The following ZFHX3 variants were observed in gnomAD, a reference collection of about 807,000 sequenced individuals.
The protein encoded by ZFHX3 is zinc finger homeobox 3, also known as zinc finger homeobox protein 3.
Under a neutral mutation model 279.1 loss-of-function variants are expected in ZFHX3, and 42 were observed. The ratio of observed to expected loss-of-function variants is 0.15; its 90% CI spans 0.12 to 0.19. ZFHX3 has a LOEUF of 0.19. Ranked by LOEUF, ZFHX3 falls within the 10% of genes least tolerant of loss-of-function variation. ZFHX3 has a pLI of 1.00. For synonymous variants in ZFHX3, 2,293 were observed against 1,957.8 expected, an observed-to-expected ratio of 1.17 and a Z score of -4.52; for missense variants, 4,981 against 4,754.0, an observed-to-expected ratio of 1.05 and a Z score of -1.40.
At chr16:73,596,929 T>C (rs57415356) in intron 2 of ZFHX3, among the ~76,000 whole-genome samples, 22,025 of 151,778 alleles carry the variant, frequency 0.15, 1,982 homozygotes, top group East Asian at 0.19. Context: ...CTAAAGCACC[T>C]CTCTTAAAAA....
At chr16:72,895,041 A>G (rs970114681) in intron 3 of ZFHX3, among the ~76,000 whole-genome samples, 7 of 152,232 alleles carry the variant, frequency 4.6e-5, no homozygotes, top group African/African-American at 1.7e-4. Context: ...CGGGGACCCA[A>G]AGAAAACCAG....
intron 1 of ZFHX3, among the ~76,000 whole-genome samples, chr16:72,973,121 A>G (rs1171794710): frequency 6.6e-6 from 1 of 152,232 alleles, no homozygotes; most frequent in Non-Finnish European, 1.5e-5. Context: ...TCAGAAGACC[A>G]GAAGATGTCT....
At chr16:73,666,890 A>G (rs1372095363) in intron 2 of ZFHX3, among the ~76,000 whole-genome samples, 2 of 151,982 alleles carry the variant, frequency 1.3e-5, no homozygotes, top group African/African-American at 4.9e-5. Context: ...GGCTTCTTTC[A>G]CTTAACACAA....
chr16:73,569,091 G>C (rs1197266051), intron 2 of ZFHX3, among the ~76,000 whole-genome samples: 1 of 152,170 alleles, frequency 6.6e-6, no homozygotes, highest in African/African-American at 2.4e-5. Flanking sequence ...GAGAAGTCAA[G>C]CCAGGGACCT....
chr16:73,272,463 C>T (rs562846745), intron 4 of ZFHX3, among the ~76,000 whole-genome samples: 1 of 152,166 alleles, frequency 6.6e-6, no homozygotes, highest in South Asian at 2.1e-4. Context: ...AAACTTGTTG[C>T]CAATAGAAGG....
chr16:73,295,561 T>G (rs567868805), intron 4 of ZFHX3, among the ~76,000 whole-genome samples: 11 of 152,334 alleles, frequency 7.2e-5, no homozygotes, highest in African/African-American at 2.6e-4. Flanking sequence ...ATCTGCAGAA[T>G]TTTTAGGGTT....
At chr16:73,403,388 G>A (rs960057524) in intron 3 of ZFHX3, among the ~76,000 whole-genome samples, 1 of 152,198 alleles carries the variant, frequency 6.6e-6, no homozygotes, top group African/African-American at 2.4e-5. Flanking sequence ...CAACCTGGAT[G>A]CATCAACATT....
chr16:73,795,928 T>C (rs931774467), intron 1 of ZFHX3, among the ~76,000 whole-genome samples: 5 of 152,198 alleles, frequency 3.3e-5, no homozygotes, highest in African/African-American at 1.2e-4. Flanking sequence ...GATATTTCAA[T>C]GCTTTTAATC....
chr16:72,949,258 G>C (rs1287401508), intron 3 of ZFHX3, among the ~76,000 whole-genome samples: 6 of 152,146 alleles, frequency 3.9e-5, no homozygotes, highest in Admixed American at 3.9e-4. Context: ...AACTAGCTCG[G>C]GGCCAGCAGA....
At position 73,377,890 on chromosome 16, in the gene ZFHX3, G is replaced by A. The variant is rs8047744; in HGVS notation, c.-1290-59554C>T. ...CTACTAAAAATACAAAAAATGAGCC[G>A]GGCGTGGTGCCGAGCGCCTGTAGTC... On this transcript the variant is annotated intron_variant, in intron 3 of 17. Coordinates refer to the ZFHX3 transcript ENST00000641206. 5.0e-3 allele frequency among the ~76,000 whole-genome samples: 757 copies of A among 151,190 alleles called. 7 individuals carry two copies. Among genetic ancestry groups the A allele is most frequent in the African/African-American group, 0.017 (709 of 41,306 alleles).
rs1272688614 is a variant in ZFHX3, at chr16:73,129,790, G to T, written c.-897+1178C>A. ...CATGCTCCTTTCAACCGATATTTTG[G>T]GTATGGGCTAAGGAGAGTGTGCTCA... On this transcript the variant is annotated intron_variant, in intron 7 of 17. Transcript: ENST00000641206. 4.6e-5 allele frequency among the ~76,000 whole-genome samples: 7 copies of T among 151,784 alleles called. No homozygotes were observed. The East Asian group carries it at 1.4e-3, about 30-fold the overall frequency.
chr16:73,059,398 G>A (rs867497956), exon 1 of ZFHX3: 24 of 107,300 alleles, frequency 2.2e-4, no homozygotes, highest in South Asian at 1.1e-3. Flanking sequence ...ACACACACAC[G>A]CACACACACA....
At chr16:73,797,453 G>A (rs72803158) in intron 1 of ZFHX3, among the ~76,000 whole-genome samples, 2,363 of 152,268 alleles carry the variant, frequency 0.016, 36 homozygotes, top group Middle Eastern at 0.031. Flanking sequence ...GTCCAACACA[G>A]GCTGCTGGTT....
chr16:73,865,527 A>T (rs985788572), intron 1 of ZFHX3, among the ~76,000 whole-genome samples: 1 of 152,150 alleles, frequency 6.6e-6, no homozygotes, highest in South Asian at 2.1e-4. Flanking sequence ...TATTCTAGAT[A>T]GTTTCTTGGC....
intron 1 of ZFHX3, among the ~76,000 whole-genome samples, chr16:73,852,647 A>G (rs1179016344): frequency 2.6e-5 from 4 of 152,178 alleles, no homozygotes; most frequent in Non-Finnish European, 5.9e-5. Context: ...CAGGTCCTTC[A>G]GCCCTGACTC....
chr16:72,957,288 T>C, intron 2 of ZFHX3, 139 bp downstream of exon 2: 1 of 967,264 alleles, frequency 1.0e-6, no homozygotes, highest in Non-Finnish European at 1.5e-6. Context: ...AATACTTGAT[T>C]GTAAGACACT....
chr16:73,557,225 C>T (rs939565195), intron 2 of ZFHX3, among the ~76,000 whole-genome samples: 29 of 150,910 alleles, frequency 1.9e-4, no homozygotes, highest in African/African-American at 6.6e-4. Flanking sequence ...GGGAGGCCAA[C>T]AAAGGTTGCC....
chr16:72,844,124 C>T (rs966331585), intron 4 of ZFHX3, among the ~76,000 whole-genome samples: 2 of 152,164 alleles, frequency 1.3e-5, no homozygotes, highest in African/African-American at 4.8e-5. Flanking sequence ...AGCTCATCAT[C>T]GATATTCTGG....
intron 1 of ZFHX3, among the ~76,000 whole-genome samples, chr16:73,844,561 G>T (rs1208948563): frequency 6.6e-6 from 1 of 151,992 alleles, no homozygotes; most frequent in African/African-American, 2.4e-5. Context: ...CCATTTTATA[G>T]ATGAGAAAAC....
Sources: allele counts gnomAD v4.1 joint callset (sites outside exome capture counted in the v4.1 genomes callset), GRCh38; gene constraint gnomAD v4.1.1; transcripts MANE v1.5; gene names NCBI Gene and HGNC (gene_info 2026-07-23, HGNC 2026-07-21).